SLC35D4: variants seen among roughly 807,000 people sequenced by gnomAD.
SLC35D4 encodes solute carrier family 35 member D4.
chr18:23,387,136 T>G, the SLC35D4 span, among the ~76,000 whole-genome samples: 1 of 152,182 alleles, frequency 6.6e-6, no homozygotes, highest in Non-Finnish European at 1.5e-5. Flanking sequence ...GGTCTCGAAC[T>G]CCTGGCCTCA....
At chr18:23,287,839 G>A in the SLC35D4 span, among the ~76,000 whole-genome samples, 2 of 152,264 alleles carry the variant, frequency 1.3e-5, no homozygotes, top group Admixed American at 6.5e-5. Flanking sequence ...GACCGGGGTC[G>A]CGTCCTGTAG....
the SLC35D4 span, among the ~76,000 whole-genome samples, chr18:23,416,578 A>G: frequency 6.6e-6 from 1 of 152,182 alleles, no homozygotes; most frequent in African/African-American, 2.4e-5. Context: ...TCTGCTAAAC[A>G]TCTGGTAACG....
At chr18:23,393,659 C>T in the SLC35D4 span, among the ~76,000 whole-genome samples, 1 of 151,926 alleles carries the variant, frequency 6.6e-6, no homozygotes, top group Non-Finnish European at 1.5e-5. Flanking sequence ...GCTCTGTTGC[C>T]CAGGCTGGAG....
chr18:23,293,219 G>T, the SLC35D4 span, among the ~76,000 whole-genome samples: 1 of 152,138 alleles, frequency 6.6e-6, no homozygotes, highest in East Asian at 1.9e-4. Flanking sequence ...ACTCCAGCCT[G>T]GGTGACAAGA....
the SLC35D4 span, among the ~76,000 whole-genome samples, chr18:23,343,731 G>A: frequency 6.6e-6 from 1 of 152,006 alleles, no homozygotes; most frequent in Admixed American, 6.6e-5. Flanking sequence ...TCACCCTCAA[G>A]TAGGCCCCGG....
chr18:23,302,344 A>G, the SLC35D4 span, among the ~76,000 whole-genome samples: 1 of 152,200 alleles, frequency 6.6e-6, no homozygotes, highest in African/African-American at 2.4e-5. Context: ...ACTTTAGACC[A>G]GTGATTCTCA....
At chr18:23,248,518 T>G in the SLC35D4 span, among the ~76,000 whole-genome samples, 1 of 128,330 alleles carries the variant, frequency 7.8e-6, no homozygotes, top group African/African-American at 3.0e-5. Flanking sequence ...ATGTCTTTTT[T>G]TTTTTTTTTT....
At chr18:23,316,791 G>A in the SLC35D4 span, among the ~76,000 whole-genome samples, 13 of 152,250 alleles carry the variant, frequency 8.5e-5, no homozygotes, top group Admixed American at 6.5e-4. Context: ...ACTGTGACAC[G>A]AGTATCTAGT....
the SLC35D4 span, among the ~76,000 whole-genome samples, chr18:23,360,301 T>C: frequency 1.3e-5 from 2 of 152,142 alleles, no homozygotes; most frequent in African/African-American, 4.8e-5. Flanking sequence ...GAAATGTTCA[T>C]CCAAGAGACG....
chr18:23,351,176 G>A, the SLC35D4 span, among the ~76,000 whole-genome samples: 2 of 152,164 alleles, frequency 1.3e-5, no homozygotes, highest in African/African-American at 2.4e-5. Flanking sequence ...GGAGGCTGAG[G>A]TGGGTGGATC....
At chr18:23,283,255 C>T in the SLC35D4 span, among the ~76,000 whole-genome samples, 11 of 151,658 alleles carry the variant, frequency 7.3e-5, no homozygotes, top group South Asian at 1.9e-3. Context: ...GGGAGGCCAA[C>T]GTGGGAGGAT....
chr18:23,285,231 A>G, the SLC35D4 span, among the ~76,000 whole-genome samples: 2 of 152,048 alleles, frequency 1.3e-5, no homozygotes, highest in South Asian at 4.2e-4. Flanking sequence ...CTGGAGGGTA[A>G]GAACCCCTGA....
the SLC35D4 span, among the ~76,000 whole-genome samples, chr18:23,330,190 G>A: frequency 6.6e-6 from 1 of 151,466 alleles, no homozygotes; most frequent in African/African-American, 2.4e-5. Flanking sequence ...AGAACCTAAA[G>A]TATAAAAAAA....
chr18:23,275,871 G>A, the SLC35D4 span, among the ~76,000 whole-genome samples: 1 of 152,212 alleles, frequency 6.6e-6, no homozygotes, highest in African/African-American at 2.4e-5. Flanking sequence ...TGACTCCACT[G>A]ATGTGAGGTT....
At chr18:23,292,811 C>G in the SLC35D4 span, among the ~76,000 whole-genome samples, 1 of 152,212 alleles carries the variant, frequency 6.6e-6, no homozygotes, top group African/African-American at 2.4e-5. Context: ...GAGTACCCAG[C>G]ACAATGCTTG....
chr18:23,330,717 A>G, the SLC35D4 span, among the ~76,000 whole-genome samples: 1 of 152,084 alleles, frequency 6.6e-6, no homozygotes, highest in African/African-American at 2.4e-5. Context: ...GTGACAACCT[A>G]CTTCCCTTAC....
At chr18:23,285,109 G>A in the SLC35D4 span, among the ~76,000 whole-genome samples, 1 of 152,094 alleles carries the variant, frequency 6.6e-6, no homozygotes, top group African/African-American at 2.4e-5. Context: ...CTGGGGGAGG[G>A]GCAGGAGCCC....
At chr18:23,250,428 C>T in the SLC35D4 span, among the ~76,000 whole-genome samples, 2,492 of 152,266 alleles carry the variant, frequency 0.016, 269 homozygotes, top group Admixed American at 0.15. Flanking sequence ...CAGCTTGAGG[C>T]GAGCATGTTA....
At chr18:23,360,377 C>T in the SLC35D4 span, among the ~76,000 whole-genome samples, 1 of 152,076 alleles carries the variant, frequency 6.6e-6, no homozygotes, top group Non-Finnish European at 1.5e-5. Flanking sequence ...TGGGAACAGC[C>T]CAGGTGAGCA....
Sources: allele counts gnomAD v4.1 joint callset (sites outside exome capture counted in the v4.1 genomes callset), GRCh38; gene constraint gnomAD v4.1.1; transcripts MANE v1.5; gene names NCBI Gene and HGNC (gene_info 2026-07-23, HGNC 2026-07-21).